Variants in MALRD1 observed in about 807,000 individuals in gnomAD.
The protein encoded by MALRD1 is MAM and LDL-receptor class A domain-containing protein 1.
Under a neutral mutation model 242.1 loss-of-function variants are expected in MALRD1, and 247 were observed. That is an observed-to-expected ratio of 1.02 (90% CI 0.92 to 1.13). The LOEUF (loss-of-function observed/expected upper bound fraction) is 1.13. MALRD1 is among the 50% of genes most tolerant of loss of function. MALRD1 has a pLI of 0.00. For synonymous variants in MALRD1, 995 were observed against 866.6 expected (o/e 1.15, Z -2.60); for missense variants, 2,989 against 2,533.1 (o/e 1.18, Z -3.86).
In MALRD1 at chr10:19,336,029, A is replaced by G. The variant is rs1003018056; in HGVS notation, c.3901+4447A>G. On this transcript the variant is annotated intron_variant, in intron 24 of 39. Coordinates refer to ENST00000454679, the MANE Select transcript of MALRD1 (RefSeq NM_001142308.3). ...TGAACTCCCATTCACAACTGCTACA[A>G]AGAGAATAAAATACTTAGAAATCCT... Among the ~76,000 whole-genome samples the G allele has an allele frequency of 4.6e-5, 7 of 152,248 alleles. No individual in the cohort carries two copies. In the South Asian group the frequency reaches 6.2e-4, roughly 14 times the overall value.
At chr10:19,347,584 C>T (rs1450962059) in intron 24 of MALRD1, among the ~76,000 whole-genome samples, 187 bp from the exon 25 acceptor site, 1 of 152,114 alleles carries the variant, frequency 6.6e-6, no homozygotes, top group Non-Finnish European at 1.5e-5. Context: ...AATGAACTTA[C>T]AGAAGCCACG....
chr10:19,426,820 G>C (rs765082991), intron 28 of MALRD1, among the ~76,000 whole-genome samples: 11 of 152,078 alleles, frequency 7.2e-5, no homozygotes, highest in African/African-American at 2.7e-4. Context: ...TTCAGGCTTT[G>C]ATAAATGAAA....
At position 19,439,238 on chromosome 10, in the gene MALRD1, A is replaced by G. The variant is rs79898753; in HGVS notation, c.4846-11069A>G. ...TAAGGCAATGTACAAATAAAGTTAA[A>G]AGAGAGAAGAAGCTGGGCATGGTGG... On this transcript the variant is annotated intron_variant, in intron 28 of 39. Coordinates refer to ENST00000454679, the MANE Select transcript of MALRD1 (RefSeq NM_001142308.3). Among the ~76,000 whole-genome samples the G allele has an allele frequency of 6.5e-3, 987 of 152,330 alleles. 14 individuals are homozygous for G. Among genetic ancestry groups the G allele is most frequent in the Admixed American group, 0.024 (366 of 15,294 alleles).
chr10:19,120,369 T>C (rs1837019377), intron 5 of MALRD1, among the ~76,000 whole-genome samples: 1 of 152,100 alleles, frequency 6.6e-6, no homozygotes, highest in African/African-American at 2.4e-5. Flanking sequence ...AAAAATTAAA[T>C]ATGAGATTTA....
At chr10:19,212,178 G>A (rs899967956) in intron 18 of MALRD1, among the ~76,000 whole-genome samples, 2 of 152,022 alleles carry the variant, frequency 1.3e-5, no homozygotes, top group South Asian at 2.1e-4. Context: ...GCACACAACC[G>A]AGGTGATGGA....
chr10:19,615,516 C>CAAAAAAA (rs530920512), intron 35 of MALRD1, among the ~76,000 whole-genome samples: 3 of 37,230 alleles, frequency 8.1e-5, no homozygotes, highest in African/African-American at 1.4e-4. Flanking sequence ...GACCCTGCCT[C>CAAAAAAA]AAAAAAAAAA....
chr10:19,482,908 A>C (rs1837069090), intron 29 of MALRD1, among the ~76,000 whole-genome samples: 1 of 152,090 alleles, frequency 6.6e-6, no homozygotes. Context: ...CTATCAAAAA[A>C]TTAATATCAT....
In MALRD1 at chr10:19,719,205, T is replaced by TACACAC. The variant is rs1554830405; in HGVS notation, c.6315-11500_6315-11499insCACACA. Among the ~76,000 whole-genome samples the TACACAC allele has an allele frequency of 1.6e-3, 152 of 96,272 alleles. 4 individuals carry two copies. Among genetic ancestry groups the TACACAC allele is most frequent in the African/African-American group, 5.4e-3 (112 of 20,828 alleles). 63.2% of individuals were successfully genotyped at this position (96,272 alleles called of 152,430 possible). On this transcript the variant is annotated intron_variant, in intron 38 of 39. Transcript: ENST00000454679. ...ATATATATATACATACATATATATATATATATACACATACATACATATATA... is the reference window on the plus strand; with the variant it reads ...ATATATATATACATACATATATATATACACACATATATACACATACATACATATATA...
At chr10:19,389,998 C>T (rs1247244509) in intron 28 of MALRD1, among the ~76,000 whole-genome samples, 1 of 152,122 alleles carries the variant, frequency 6.6e-6, no homozygotes, top group Non-Finnish European at 1.5e-5. Flanking sequence ...AGGGAGTTGA[C>T]TTGGCTAGAG....
chr10:19,467,489 C>A (rs1836280646), intron 29 of MALRD1, among the ~76,000 whole-genome samples: 1 of 149,466 alleles, frequency 6.7e-6, no homozygotes, highest in Non-Finnish European at 1.5e-5. Flanking sequence ...TCTCATTTAA[C>A]CTTAATTATC....
chr10:19,147,864 GT>G (rs1833779651), intron 11 of MALRD1, among the ~76,000 whole-genome samples: 1 of 152,180 alleles, frequency 6.6e-6, no homozygotes, highest in South Asian at 2.1e-4. Flanking sequence ...CCAAAGAGAG[GT>G]GGGAGGGATC....
chr10:19,564,327 A>G (rs1836160682), intron 32 of MALRD1, among the ~76,000 whole-genome samples: 1 of 152,152 alleles, frequency 6.6e-6, no homozygotes, highest in South Asian at 2.1e-4. Context: ...TTATATTTAA[A>G]TGACCTGATT....
At chr10:19,102,407 T>C (rs1836299237) in intron 4 of MALRD1, among the ~76,000 whole-genome samples, 1 of 152,100 alleles carries the variant, frequency 6.6e-6, no homozygotes, top group Non-Finnish European at 1.5e-5. Flanking sequence ...GATTTTTCTA[T>C]AGGTTGTGGA....
intron 10 of MALRD1, among the ~76,000 whole-genome samples, chr10:19,143,140 A>G (rs1461744272): frequency 6.6e-6 from 1 of 152,240 alleles, no homozygotes; most frequent in Non-Finnish European, 1.5e-5. Flanking sequence ...AAGCACAATG[A>G]TTGACATTTT....
At chr10:19,361,940 C>T (rs1844913149) in intron 26 of MALRD1, among the ~76,000 whole-genome samples, 1 of 152,020 alleles carries the variant, frequency 6.6e-6, no homozygotes, top group Non-Finnish European at 1.5e-5. Flanking sequence ...TCTAAAGATT[C>T]AAATTTTTTT....
At chr10:19,553,053 T>C (rs1449563858) in intron 32 of MALRD1, among the ~76,000 whole-genome samples, 2 of 152,220 alleles carry the variant, frequency 1.3e-5, no homozygotes, top group African/African-American at 4.8e-5. Flanking sequence ...TTCTAGATAC[T>C]CTCCTACTAG....
At chr10:19,263,495 T>G (rs28838873) in intron 19 of MALRD1, among the ~76,000 whole-genome samples, 12,916 of 152,196 alleles carry the variant, frequency 0.085, 742 homozygotes, top group African/African-American at 0.16. Flanking sequence ...ATTTGTTGTT[T>G]TTTTTTGTTT....
At chr10:19,230,924 G>C (rs1198356128) in intron 18 of MALRD1, among the ~76,000 whole-genome samples, 1 of 151,824 alleles carries the variant, frequency 6.6e-6, no homozygotes, top group Non-Finnish European at 1.5e-5. Context: ...TGATTAACTG[G>C]CCATGAAATA....
At chr10:19,508,863 T>TAA (rs1372806402) in intron 31 of MALRD1, among the ~76,000 whole-genome samples, 1 of 152,140 alleles carries the variant, frequency 6.6e-6, no homozygotes, top group Non-Finnish European at 1.5e-5. Flanking sequence ...ACCAAGTGAA[T>TAA]AAAACACTGG....
Sources: allele counts gnomAD v4.1 joint callset (sites outside exome capture counted in the v4.1 genomes callset), GRCh38; gene constraint gnomAD v4.1.1; transcripts MANE v1.5; gene names NCBI Gene and HGNC (gene_info 2026-07-23, HGNC 2026-07-21).